MAPKAPK3: variants seen among roughly 807,000 people sequenced by gnomAD.
MAPKAPK3 encodes the protein MAPK activated protein kinase 3.
Under a neutral mutation model 49.2 loss-of-function variants are expected in MAPKAPK3, and 35 were observed. The ratio of observed to expected loss-of-function variants is 0.71; its 90% CI spans 0.54 to 0.94. The LOEUF (loss-of-function observed/expected upper bound fraction) is 0.94. Ranked by LOEUF, MAPKAPK3 falls within the 40% of genes least tolerant of loss-of-function variation. MAPKAPK3 has a pLI of 0.00. For missense variants in MAPKAPK3, 398 were observed against 493.1 expected (o/e 0.81, Z 1.83); for synonymous variants, 178 against 188.7 (o/e 0.94, Z 0.46).
At chr3:50,617,453 C>T in intron 1 of MAPKAPK3, 61 bp from the exon 2 acceptor site, 3 of 630,266 alleles carry the variant, frequency 4.8e-6, no homozygotes, top group Non-Finnish European at 8.3e-6. Flanking sequence ...AGTTCAGAGG[C>T]TCCAAGGCTG....
intron 2 of MAPKAPK3, among the ~76,000 whole-genome samples, chr3:50,620,650 C>T (rs772002714): frequency 6.6e-5 from 10 of 152,330 alleles, no homozygotes; most frequent in African/African-American, 1.4e-4. Flanking sequence ...GGGCCTCTTC[C>T]GCTTTCCCTT....
intron 2 of MAPKAPK3, among the ~76,000 whole-genome samples, chr3:50,618,866 T>G (rs2032539180): frequency 6.6e-6 from 1 of 152,228 alleles, no homozygotes; most frequent in Non-Finnish European, 1.5e-5. Flanking sequence ...ATTTTTTGTA[T>G]TTTTAGTAGA....
intron 1 of MAPKAPK3, 70 bp from the exon 2 acceptor site, chr3:50,617,443 AG>A (rs2032496568): frequency 1.6e-6 from 1 of 616,326 alleles, no homozygotes; most frequent in Non-Finnish European, 2.9e-6. Flanking sequence ...AGCCCAGCCC[AG>A]TTCAGAGGCT....
intron 10 of MAPKAPK3, 112 bp from the exon 11 acceptor site, chr3:50,647,782 G>A: frequency 9.7e-7 from 1 of 1,032,380 alleles, no homozygotes; most frequent in South Asian, 1.6e-5. Context: ...AGTGGGCACA[G>A]AGGCAGCACA....
intron 2 of MAPKAPK3, among the ~76,000 whole-genome samples, chr3:50,628,725 T>C (rs1166998904): frequency 6.6e-6 from 1 of 152,118 alleles, no homozygotes; most frequent in Non-Finnish European, 1.5e-5. Context: ...TCCTGCCACT[T>C]TCTCACTGTA....
At chr3:50,642,988 A>G (rs2033210324) in intron 5 of MAPKAPK3, among the ~76,000 whole-genome samples, 1 of 152,172 alleles carries the variant, frequency 6.6e-6, no homozygotes, top group Non-Finnish European at 1.5e-5. Flanking sequence ...AGTAGCTGGG[A>G]CTACAGGCGC....
chr3:50,637,815 G>A (rs542111165), intron 2 of MAPKAPK3, among the ~76,000 whole-genome samples: 9 of 152,026 alleles, frequency 5.9e-5, no homozygotes, highest in South Asian at 4.2e-4. Flanking sequence ...AGAGGATGAG[G>A]CAAGAATGCA....
chr3:50,647,660 T>G (rs2033335557), intron 10 of MAPKAPK3, among the ~76,000 whole-genome samples: 1 of 152,244 alleles, frequency 6.6e-6, no homozygotes, highest in Non-Finnish European at 1.5e-5. Context: ...CTTGGTGTGG[T>G]CCGAGGGAGT....
At chr3:50,614,535 G>A (rs1486223828), upstream of MAPKAPK3, among the ~76,000 whole-genome samples, 1 of 148,960 alleles carries the variant, frequency 6.7e-6, no homozygotes, top group Non-Finnish European at 1.5e-5. Context: ...GTGTGTGTGT[G>A]TGTGTGTAGG....
upstream of MAPKAPK3, among the ~76,000 whole-genome samples, chr3:50,614,824 T>C (rs374322571): frequency 6.6e-6 from 1 of 152,176 alleles, no homozygotes; most frequent in South Asian, 2.1e-4. Context: ...CGTGTGCCTG[T>C]GGAAGCATGG....
chr3:50,640,978 G>A, intron 3 of MAPKAPK3, among the ~76,000 whole-genome samples: 1 of 152,192 alleles, frequency 6.6e-6, no homozygotes, highest in South Asian at 2.1e-4. Context: ...GTAACACCAT[G>A]GCTCAGCACC....
intron 5 of MAPKAPK3, 75 bp from the exon 6 acceptor site, chr3:50,644,334 G>A: frequency 3.2e-6 from 5 of 1,567,432 alleles, no homozygotes; most frequent in Non-Finnish European, 4.4e-6. Context: ...CGGGGAGTCT[G>A]GCTGAAGATC....
At position 50,641,638 on chromosome 3, in the gene MAPKAPK3, T is replaced by C. The variant is rs551562759; in HGVS notation, c.360-69T>C. 4.7e-6 allele frequency: 6 copies of C among 1,289,490 alleles called. No individual in the cohort carries two copies. The African/African-American group carries it at 7.3e-5, about 16-fold the overall frequency. 79.9% of individuals were successfully genotyped at this position (1,289,490 alleles called of 1,614,324 possible). ...AGGGTCTGAAGCCTGGGCCTATGATTTGGGGCAGGGGCAAGGGTAGGATGA... is the reference window on the plus strand; with the variant it reads ...AGGGTCTGAAGCCTGGGCCTATGATCTGGGGCAGGGGCAAGGGTAGGATGA... On this transcript the variant is annotated intron_variant, in intron 3 of 10. Coordinates refer to ENST00000621469, the MANE Select transcript of MAPKAPK3 (RefSeq NM_001243925.2).
chr3:50,633,169 A>C (rs2032954057), intron 2 of MAPKAPK3, among the ~76,000 whole-genome samples: 1 of 152,082 alleles, frequency 6.6e-6, no homozygotes, highest in South Asian at 2.1e-4. Flanking sequence ...GTTGAGTTGT[A>C]GCAATAAGAC....
intron 2 of MAPKAPK3, among the ~76,000 whole-genome samples, chr3:50,622,761 C>T (rs930226966): frequency 1.3e-5 from 2 of 152,236 alleles, no homozygotes; most frequent in East Asian, 1.9e-4. Flanking sequence ...CAATAGACCT[C>T]ATGGAGAATT....
At chr3:50,645,589 G>A (rs1288750029) in intron 6 of MAPKAPK3, 121 bp from the exon 7 acceptor site, 10 of 701,766 alleles carry the variant, frequency 1.4e-5, no homozygotes, top group Admixed American at 7.6e-5. Flanking sequence ...CCAGACGCCA[G>A]TCTGCTCTGC....
intron 2 of MAPKAPK3, among the ~76,000 whole-genome samples, chr3:50,632,796 T>C (rs2032944516): frequency 6.6e-6 from 1 of 152,248 alleles, no homozygotes; most frequent in Non-Finnish European, 1.5e-5. Flanking sequence ...TTGGGGAAAC[T>C]GCTTGTCCAA....
At chr3:50,635,262 T>C (rs2033005412) in intron 2 of MAPKAPK3, among the ~76,000 whole-genome samples, 1 of 152,126 alleles carries the variant, frequency 6.6e-6, no homozygotes, top group Non-Finnish European at 1.5e-5. Flanking sequence ...GCAGTCATGA[T>C]GGGCTCCCTG....
In MAPKAPK3 at chr3:50,648,108, G is replaced by C; in HGVS notation, c.*62G>C. 1 of 1,529,280 alleles carries C rather than the reference G, an allele frequency of 6.5e-7. No individual in the cohort carries two copies. The highest frequency in any genetic ancestry group is 8.8e-7 in the Non-Finnish European group (1 of 1,133,056). 94.7% of individuals were successfully genotyped at this position (1,529,280 alleles called of 1,614,324 possible). A position where few individuals can be genotyped will look rare whatever the true frequency, so the allele number is the denominator to read the frequency against. On this transcript the variant is annotated 3_prime_UTR_variant, in exon 11 of 11. Transcript: ENST00000621469. ...GCATAACAGACTGAAATGTGCTCAG[G>C]CCCTGGCCAGGAGGGCCCAGGGTCA...
Sources: gnomAD v4.1 joint callset for allele counts (sites outside exome capture counted in the v4.1 genomes callset) on GRCh38, gnomAD v4.1.1 for gene constraint, MANE v1.5 for transcripts, NCBI Gene and HGNC (gene_info 2026-07-23, HGNC 2026-07-21) for gene names.